Variants in TEAD4 observed in about 807,000 individuals in gnomAD.
TEAD4 encodes the protein transcriptional enhancer factor TEF-3.
Under a neutral mutation model 52.4 loss-of-function variants are expected in TEAD4, and 36 were observed. The ratio of observed to expected loss-of-function variants is 0.69; its 90% CI spans 0.53 to 0.91. The LOEUF (loss-of-function observed/expected upper bound fraction) is 0.91, where lower values mean the gene tolerates loss of function less well. TEAD4 is among the 40% of genes least tolerant of loss of function. The probability of loss-of-function intolerance (pLI) is 0.00; values close to 1 mark genes in which losing one functional copy is unlikely to be tolerated. For synonymous variants in TEAD4, 220 were observed against 231.0 expected, an observed-to-expected ratio of 0.95 and a Z score of 0.43; for missense variants, 508 against 583.9, an observed-to-expected ratio of 0.87 and a Z score of 1.34.
intron 3 of TEAD4, among the ~76,000 whole-genome samples, chr12:2,999,617 C>A (rs1369870238): frequency 1.3e-5 from 2 of 152,236 alleles, no homozygotes; most frequent in African/African-American, 4.8e-5. Flanking sequence ...GCTCCCGAGC[C>A]CGGGGTGCTT....
In TEAD4 at chr12:3,018,652, C is replaced by G; in HGVS notation, c.527+64C>G. ...TGAACTGAACTTGAACCCATAAACT[C>G]ATGGCATTAAGCCTGGGCCCCAGGG... On this transcript the variant is annotated intron_variant, in intron 7 of 12. Coordinates refer to ENST00000359864, the MANE Select transcript of TEAD4 (RefSeq NM_003213.4). The G allele has an allele frequency of 4.4e-6, 7 of 1,607,500 alleles. No individual in the cohort carries two copies. The South Asian group carries it at 7.7e-5, about 18-fold the overall frequency.
At chr12:2,969,233 C>T (rs1312919806) in intron 2 of TEAD4, among the ~76,000 whole-genome samples, 1 of 152,220 alleles carries the variant, frequency 6.6e-6, no homozygotes, top group Non-Finnish European at 1.5e-5. Context: ...TTGCTGCTCA[C>T]TGAATGCTGC....
chr12:3,024,811 A>G (rs768049560), intron 10 of TEAD4, among the ~76,000 whole-genome samples: 12 of 152,300 alleles, frequency 7.9e-5, no homozygotes, highest in South Asian at 2.1e-4. Context: ...AAATTGCTCC[A>G]TCAGAACCAC....
At chr12:3,032,098 G>A (rs1470085143) in intron 10 of TEAD4, among the ~76,000 whole-genome samples, 1 of 152,236 alleles carries the variant, frequency 6.6e-6, no homozygotes, top group African/African-American at 2.4e-5. Flanking sequence ...ATCCCTTCCA[G>A]AAAATAGGGC....
At chr12:2,965,444 G>A (rs1325833481) in intron 2 of TEAD4, among the ~76,000 whole-genome samples, 1 of 151,870 alleles carries the variant, frequency 6.6e-6, no homozygotes, top group Non-Finnish European at 1.5e-5. Flanking sequence ...GCAGATGTGA[G>A]CCATCATACC....
At chr12:2,992,670 A>C (rs1252946895) in intron 2 of TEAD4, among the ~76,000 whole-genome samples, 1 of 151,926 alleles carries the variant, frequency 6.6e-6, no homozygotes, top group African/African-American at 2.4e-5. Flanking sequence ...CCTCAAGGCT[A>C]GTGGGGGAGA....
chr12:3,017,477 A>G lies in TEAD4; in HGVS notation c.434A>G (p.His145Arg), dbSNP rs1281870739. The G allele has an allele frequency of 6.8e-6, 11 of 1,614,106 alleles. No homozygotes were observed. Among genetic ancestry groups the G allele is most frequent in the Non-Finnish European group, 9.3e-6 (11 of 1,180,016 alleles). ...CAGATCATCTCCGCCACGGCCTTCC[A>G]CAGTAGCATGGCCCTCGCCCGGGGC... The change falls in exon 6 of 13, where the codon CAC (histidine) becomes CGC (arginine). Residue 145 changes from histidine (H) to arginine (R), a missense_variant. By Grantham distance (29) the His-to-Arg change is conservative. Coordinates refer to ENST00000359864, the MANE Select transcript of TEAD4 (RefSeq NM_003213.4).
At chr12:3,005,621 C>T (rs1456446527) in intron 3 of TEAD4, among the ~76,000 whole-genome samples, 9 of 151,938 alleles carry the variant, frequency 5.9e-5, no homozygotes, top group Non-Finnish European at 8.8e-5. Flanking sequence ...CTCAGCCTCC[C>T]GAGTAGCTGG....
chr12:3,011,345 C>T (rs1247089499), intron 4 of TEAD4, among the ~76,000 whole-genome samples: 2 of 152,140 alleles, frequency 1.3e-5, no homozygotes, highest in Non-Finnish European at 2.9e-5. Context: ...ATTCTCCTGC[C>T]TCAGCCTACC....
chr12:2,967,478 T>C (rs1038260976), intron 2 of TEAD4, among the ~76,000 whole-genome samples: 2 of 152,234 alleles, frequency 1.3e-5, no homozygotes, highest in African/African-American at 4.8e-5. Flanking sequence ...TTTTAAAAAT[T>C]ACTTGACATT....
intron 8 of TEAD4, among the ~76,000 whole-genome samples, chr12:3,019,907 TC>T (rs1049909420): frequency 6.6e-5 from 10 of 152,196 alleles, no homozygotes; most frequent in African/African-American, 2.4e-4. Context: ...ATGCCAGTCT[TC>T]TGTCCACACT....
At chr12:3,028,983 G>T (rs1337488780) in intron 10 of TEAD4, among the ~76,000 whole-genome samples, 2 of 152,004 alleles carry the variant, frequency 1.3e-5, no homozygotes, top group Non-Finnish European at 2.9e-5. Context: ...TGAATTATGA[G>T]TTCTTAGTTC....
chr12:2,964,940 C>T (rs1191733710), intron 2 of TEAD4, among the ~76,000 whole-genome samples: 1 of 152,100 alleles, frequency 6.6e-6, no homozygotes, highest in Non-Finnish European at 1.5e-5. Flanking sequence ...GCTGCTTTGC[C>T]TGAGTTCAGG....
chr12:3,038,034 A>G lies in TEAD4; in HGVS notation c.964A>G (p.Ser322Gly). 6.2e-7 allele frequency: 1 copy of G among 1,614,108 alleles called. No individual in the cohort carries two copies. The highest frequency in any genetic ancestry group is 8.5e-7 in the Non-Finnish European group (1 of 1,179,998). Residue 322 changes from serine to glycine, a missense_variant, in exon 11 of 13, where the codon AGC becomes GGC. Physicochemically the swap from Ser to Gly is moderately conservative, Grantham distance 56. Coordinates refer to ENST00000359864, the MANE Select transcript of TEAD4 (RefSeq NM_003213.4). ...CTATGGGGTCTCCAGCCAGTATGAG[A>G]GCCCCGAGAACATGATCATCACCTG...
intron 2 of TEAD4, among the ~76,000 whole-genome samples, chr12:2,975,596 C>T (rs556689162): frequency 7.2e-5 from 11 of 152,226 alleles, no homozygotes; most frequent in African/African-American, 2.6e-4. Flanking sequence ...CCATGTTGGT[C>T]AGGCTGGTCT....
intron 10 of TEAD4, among the ~76,000 whole-genome samples, chr12:3,024,736 CT>C (rs926217944): frequency 3.3e-5 from 5 of 152,030 alleles, no homozygotes; most frequent in African/African-American, 7.2e-5. Context: ...TCTTGTACAA[CT>C]TTTTTTTCCT....
chr12:3,023,059 C>T (rs2098269785), intron 10 of TEAD4, among the ~76,000 whole-genome samples: 1 of 152,194 alleles, frequency 6.6e-6, no homozygotes, highest in Admixed American at 6.5e-5. Context: ...GCCTGGCTCT[C>T]ATCCACAGCT....
chr12:3,020,578 G>A, intron 8 of TEAD4, 56 bp from the exon 9 acceptor site: 1 of 1,471,570 alleles, frequency 6.8e-7, no homozygotes, highest in Middle Eastern at 2.3e-4. Flanking sequence ...TGCAGAGGGT[G>A]CGGGCAGGGC....
At chr12:2,962,931 C>A (rs79221863) in intron 2 of TEAD4, among the ~76,000 whole-genome samples, 2,865 of 152,272 alleles carry the variant, frequency 0.019, 41 homozygotes, top group Non-Finnish European at 0.03. Flanking sequence ...ACCCCCTACT[C>A]CCCCTAGCCG....
Sources: gnomAD v4.1 joint callset for allele counts (sites outside exome capture counted in the v4.1 genomes callset) on GRCh38, gnomAD v4.1.1 for gene constraint, MANE v1.5 for transcripts, NCBI Gene and HGNC (gene_info 2026-07-23, HGNC 2026-07-21) for gene names.